The following GTF3C2 variants were observed in gnomAD, a reference collection of about 807,000 sequenced individuals.
GTF3C2 encodes general transcription factor IIIC subunit 2, also known as general transcription factor 3C polypeptide 2.
GTF3C2 carries 17 observed loss-of-function variants against 117.4 expected under a neutral mutation model. The ratio of observed to expected loss-of-function variants is 0.14; its 90% CI spans 0.10 to 0.22. GTF3C2 has a LOEUF of 0.22. Among genes scored for constraint, GTF3C2 ranks in the 10% least tolerant of loss-of-function variants. The pLI, the probability that GTF3C2 is intolerant of heterozygous loss-of-function variation, is 1.00. For missense variants in GTF3C2, 888 were observed against 1,143.6 expected, an observed-to-expected ratio of 0.78 and a Z score of 3.22; for synonymous variants, 437 against 427.0, an observed-to-expected ratio of 1.02 and a Z score of -0.29.
rs200245997 is a variant in GTF3C2 at position 27,335,927 on chromosome 2, G to A, written c.1457C>T (p.Thr486Ile). The A allele has an allele frequency of 8.9e-5, 142 of 1,602,324 alleles. No homozygotes were observed. Among genetic ancestry groups the A allele is most frequent in the Non-Finnish European group, 1.2e-4 (135 of 1,169,432 alleles). The change falls in exon 9 of 19, where the codon ACC becomes ATC. Residue 486 changes from threonine to isoleucine, a missense_variant. Physicochemically the swap from Thr to Ile is moderately conservative, Grantham distance 89. Coordinates refer to ENST00000264720, the Ensembl canonical transcript of GTF3C2. ...TTGACTGGGAAGTACCTTCCGAGGG[G>A]TGCCTGGAAGTTCCCATGCTCCACT...
intron 17 of GTF3C2, 48 bp from the exon 18 acceptor site, chr2:27,327,332 G>GT (rs768783449): frequency 2.1e-4 from 220 of 1,033,306 alleles, no homozygotes; most frequent in Non-Finnish European, 2.7e-4. Context: ...ACGCTCGTTT[G>GT]TTTTTTTTAA....
intron 1 of GTF3C2, among the ~76,000 whole-genome samples, chr2:27,350,819 T>G (rs1681104406): frequency 1.3e-5 from 2 of 151,264 alleles, no homozygotes; most frequent in African/African-American, 2.4e-5. Flanking sequence ...CGTGGTGGAA[T>G]ATGCCTGTAA....
intron 17 of GTF3C2, among the ~76,000 whole-genome samples, chr2:27,327,816 C>T (rs894459140): frequency 1.3e-5 from 2 of 151,868 alleles, no homozygotes; most frequent in Non-Finnish European, 2.9e-5. Flanking sequence ...TTAGTAGAGA[C>T]GGAGTTTCGC....
At chr2:27,337,433 C>T (rs774663423) in intron 6 of GTF3C2, 48 bp downstream of exon 6, 1 of 1,471,556 alleles carries the variant, frequency 6.8e-7, no homozygotes, top group African/African-American at 1.4e-5. Context: ...CCTTTCGTCT[C>T]CAGTGGTGTC....
chr2:27,334,225 C>T lies in GTF3C2; in HGVS notation c.1577-226G>A, dbSNP rs188671748. On this transcript the variant is annotated intron_variant, in intron 10 of 18. Transcript: ENST00000264720. ...CTTTTTTTTTTTTTCCTTTAGACCT[C>T]CTCTGTGGACACAGGCCTTCTCTTA... 2.6e-3 allele frequency among the ~76,000 whole-genome samples: 388 copies of T among 151,874 alleles called. 4 individuals are homozygous for T. Among genetic ancestry groups the T allele is most frequent in the African/African-American group, 9.0e-3 (374 of 41,422 alleles).
intron 3 of GTF3C2, 146 bp from the exon 4 acceptor site, chr2:27,342,379 AAG>A: frequency 1.5e-6 from 1 of 667,460 alleles, no homozygotes; most frequent in Non-Finnish European, 2.4e-6. Context: ...TCCCCCTTGG[AAG>A]ATGAAAAACC....
In GTF3C2 at chr2:27,329,783, C is replaced by G. The variant is rs1262311227; in HGVS notation, c.1733-260G>C. On this transcript the variant is annotated intron_variant, in intron 12 of 18. Coordinates refer to ENST00000264720, the Ensembl canonical transcript of GTF3C2. The surrounding 1 kb of genome is among the most constrained non-coding windows in gnomAD (Gnocchi z 4.5). ...CAGTTGAAAAATGATAGGGTGAACA[C>G]ACCTAGTGCAGAGAGTAGAATGCAC... is the stretch of plus-strand genomic sequence containing the variant. 1.3e-5 allele frequency among the ~76,000 whole-genome samples: 2 copies of G among 152,152 alleles called. No individual in the cohort carries two copies. Among genetic ancestry groups the G allele is most frequent in the Admixed American group, 6.5e-5 (1 of 15,276 alleles).
At chr2:27,330,596 A>G (rs1490303446) in intron 12 of GTF3C2, among the ~76,000 whole-genome samples, 2 of 152,156 alleles carry the variant, frequency 1.3e-5, no homozygotes, top group Non-Finnish European at 2.9e-5. Context: ...TTGGGAGGTA[A>G]AGGCAGGAAG....
chr2:27,350,425 A>C (rs763074809), intron 1 of GTF3C2: 142 of 985,422 alleles, frequency 1.4e-4, no homozygotes, highest in Non-Finnish European at 1.7e-4. Context: ...GATCACGATG[A>C]GGGTTGAGGG....
At chr2:27,349,382 C>T (rs1461861918) in intron 1 of GTF3C2, among the ~76,000 whole-genome samples, 3 of 140,848 alleles carry the variant, frequency 2.1e-5, no homozygotes, top group East Asian at 2.2e-4. Flanking sequence ...CTCCTGACCT[C>T]GTGATCCGCC....
At chr2:27,356,503 G>C (rs915128009) in intron 1 of GTF3C2, 8 of 232,668 alleles carry the variant, frequency 3.4e-5, no homozygotes, top group African/African-American at 1.1e-4. Flanking sequence ...GACACCGCGT[G>C]GGGGAGGAGG....
At chr2:27,353,298 CAGG>C (rs1300629052) in intron 1 of GTF3C2, among the ~76,000 whole-genome samples, 1 of 148,994 alleles carries the variant, frequency 6.7e-6, no homozygotes, top group Admixed American at 6.8e-5. Flanking sequence ...GAGGCTGAGG[CAGG>C]AGAATTGCTT....
At chr2:27,340,065 C>T (rs1680667819) in intron 4 of GTF3C2, 1 of 151,638 alleles carries the variant, frequency 6.6e-6, no homozygotes, top group Non-Finnish European at 1.5e-5. Flanking sequence ...CTCCCACATC[C>T]CTCACCCTTT....
At chr2:27,348,711 C>T (rs1033629869) in intron 1 of GTF3C2, among the ~76,000 whole-genome samples, 5 of 148,180 alleles carry the variant, frequency 3.4e-5, no homozygotes, top group African/African-American at 7.5e-5. Context: ...GACTGAGGCA[C>T]GAGAATCACT....
chr2:27,333,834 T>C (rs1680361306), intron 11 of GTF3C2, 50 bp from the exon 12 acceptor site: 4 of 1,581,192 alleles, frequency 2.5e-6, no homozygotes, highest in Non-Finnish European at 3.5e-6. Context: ...CTACACTGTT[T>C]GGAACGAAAG....
rs778809914 is a variant in GTF3C2 at position 27,329,342 on chromosome 2, C to T, written c.1877+37G>A. The T allele has an allele frequency of 1.9e-6, 3 of 1,613,942 alleles. No individual in the cohort carries two copies. The Admixed American group carries it at 5.0e-5, about 27-fold the overall frequency. On this transcript the variant is annotated intron_variant, in intron 13 of 18. Transcript: ENST00000264720. The surrounding 1 kb of genome is among the most constrained non-coding windows in gnomAD (Gnocchi z 4.5). ...AATCCGGAAGTCAGCCTGTCCCAGTCTTCACCTTCCCCCTCCACATACCTC... is the reference window on the plus strand; with the variant it reads ...AATCCGGAAGTCAGCCTGTCCCAGTTTTCACCTTCCCCCTCCACATACCTC...
intron 12 of GTF3C2, among the ~76,000 whole-genome samples, chr2:27,332,555 C>T (rs961088484): frequency 1.3e-5 from 2 of 151,882 alleles, no homozygotes; most frequent in Non-Finnish European, 2.9e-5. Flanking sequence ...GCTGGGACTA[C>T]AGGAGCCCGC....
chr2:27,341,706 G>A (rs1051475598), intron 4 of GTF3C2: 27 of 507,294 alleles, frequency 5.3e-5, no homozygotes, highest in East Asian at 9.7e-5. Context: ...TCTTATTTAC[G>A]TTTGTTGTGT....
exon 4 of GTF3C2, chr2:27,342,112 C>G (rs1430515830): frequency 9.9e-6 from 16 of 1,614,068 alleles, no homozygotes; most frequent in Non-Finnish European, 1.3e-5. Context: ...GGACAGGCTG[C>G]TGGCTGCCGG....
Sources: allele counts gnomAD v4.1 joint callset (sites outside exome capture counted in the v4.1 genomes callset), GRCh38; gene constraint gnomAD v4.1.1; non-coding constraint Gnocchi (gnomAD v3.1); transcripts MANE v1.5; gene names NCBI Gene and HGNC (gene_info 2026-07-23, HGNC 2026-07-21).